Variants in DIPK1A observed in about 807,000 individuals in gnomAD.
DIPK1A encodes divergent protein kinase domain 1A, also known as family with sequence similarity 69 member A.
DIPK1A carries 27 observed loss-of-function variants against 40.8 expected under a neutral mutation model. The ratio of observed to expected loss-of-function variants is 0.66; its 90% CI spans 0.49 to 0.91. The LOEUF is 0.91. Ranked by LOEUF, DIPK1A falls within the 40% of genes least tolerant of loss-of-function variation. DIPK1A has a pLI of 0.00. For missense variants in DIPK1A, 412 were observed against 505.7 expected, an observed-to-expected ratio of 0.81 and a Z score of 1.78; for synonymous variants, 166 against 171.3, an observed-to-expected ratio of 0.97 and a Z score of 0.24.
chr1:92,900,951 A>G (rs1197502649), intron 1 of DIPK1A, among the ~76,000 whole-genome samples: 1 of 151,956 alleles, frequency 6.6e-6, no homozygotes, highest in Non-Finnish European at 1.5e-5. Flanking sequence ...AAAACTTTCT[A>G]AAGTGGTTTT....
intron 1 of DIPK1A, among the ~76,000 whole-genome samples, chr1:92,888,822 T>C (rs896148819): frequency 5.3e-5 from 8 of 152,362 alleles, no homozygotes; most frequent in African/African-American, 1.7e-4. Flanking sequence ...TTTTGAAAGA[T>C]GTGTCCATTC....
intron 3 of DIPK1A, among the ~76,000 whole-genome samples, chr1:92,848,858 C>A (rs920035801): frequency 4.6e-5 from 7 of 152,174 alleles, no homozygotes; most frequent in African/African-American, 1.7e-4. Context: ...GTTTAAATTT[C>A]TATAATAATA....
At chr1:92,916,024 T>C (rs780105355) in intron 1 of DIPK1A, among the ~76,000 whole-genome samples, 5 of 152,266 alleles carry the variant, frequency 3.3e-5, no homozygotes, top group East Asian at 3.9e-4. Flanking sequence ...AAAAGCCACA[T>C]ACTGTATGAT....
intron 1 of DIPK1A, among the ~76,000 whole-genome samples, chr1:92,957,323 A>C (rs1253201498): frequency 6.6e-6 from 1 of 152,274 alleles, no homozygotes; most frequent in Non-Finnish European, 1.5e-5. Flanking sequence ...AAATGGTTTA[A>C]GCAGTTAATA....
chr1:92,931,335 T>C (rs551737524), intron 1 of DIPK1A: 5 of 228,694 alleles, frequency 2.2e-5, no homozygotes, highest in Admixed American at 4.1e-5. Flanking sequence ...GAAGGCCTGG[T>C]GCCCACACCG....
In DIPK1A at chr1:92,851,310, G is replaced by A. The variant is rs1182454151; in HGVS notation, c.190-355C>T. On this transcript the variant is annotated intron_variant, in intron 2 of 4. Coordinates refer to ENST00000370310, the MANE Select transcript of DIPK1A (RefSeq NM_001006605.5). ...TGTAATCCCAGCACTTTGGGAGGCCGAGGCTGGTGGATCATTTGAGGTCAG... is the reference window on the plus strand; with the variant it reads ...TGTAATCCCAGCACTTTGGGAGGCCAAGGCTGGTGGATCATTTGAGGTCAG... Among the ~76,000 whole-genome samples, 7 of 152,028 alleles carry A rather than the reference G, an allele frequency of 4.6e-5. No individual in the cohort carries two copies. In the South Asian group the frequency reaches 8.3e-4, roughly 18 times the overall value.
intron 2 of DIPK1A, among the ~76,000 whole-genome samples, chr1:92,863,507 G>A (rs1235725290): frequency 2.5e-5 from 3 of 121,776 alleles, no homozygotes; most frequent in African/African-American, 9.4e-5. Flanking sequence ...TGAGGTGGGG[G>A]AAATCAATTG....
intron 1 of DIPK1A, among the ~76,000 whole-genome samples, chr1:92,934,313 T>C (rs547808372): frequency 1.3e-4 from 20 of 152,322 alleles, no homozygotes; most frequent in South Asian, 2.1e-4. Flanking sequence ...TCTTTATAAA[T>C]GAATTTAAAA....
At chr1:92,904,926 T>C (rs1649553898) in intron 1 of DIPK1A, among the ~76,000 whole-genome samples, 1 of 152,192 alleles carries the variant, frequency 6.6e-6, no homozygotes, top group Admixed American at 6.5e-5. Context: ...ATGCCTGGTT[T>C]ATTTCACTTA....
chr1:92,956,206 T>C (rs1341217015), intron 1 of DIPK1A, among the ~76,000 whole-genome samples: 2 of 151,974 alleles, frequency 1.3e-5, no homozygotes, highest in Non-Finnish European at 2.9e-5. Flanking sequence ...AAAAAAAAAA[T>C]CTGAGGCACT....
chr1:92,944,961 A>C (rs1651305432), intron 1 of DIPK1A, among the ~76,000 whole-genome samples: 1 of 152,098 alleles, frequency 6.6e-6, no homozygotes, highest in African/African-American at 2.4e-5. Flanking sequence ...ACATGAAAGC[A>C]CTCGAAAAGT....
At chr1:92,853,727 G>A (rs1392236990) in intron 2 of DIPK1A, among the ~76,000 whole-genome samples, 4 of 152,142 alleles carry the variant, frequency 2.6e-5, no homozygotes, top group Non-Finnish European at 5.9e-5. Context: ...GAACACATAA[G>A]GTTCAGAAAA....
At chr1:92,865,645 T>C (rs1394702404) in intron 2 of DIPK1A, among the ~76,000 whole-genome samples, 1 of 152,180 alleles carries the variant, frequency 6.6e-6, no homozygotes, top group Admixed American at 6.5e-5. Context: ...ATGATGACAG[T>C]GGAAAGTTTC....
chr1:92,898,332 T>C (rs544970652), intron 1 of DIPK1A, among the ~76,000 whole-genome samples: 1 of 152,030 alleles, frequency 6.6e-6, no homozygotes, highest in African/African-American at 2.4e-5. Context: ...AGATCTCACA[T>C]GAACTCAGAG....
intron 1 of DIPK1A, among the ~76,000 whole-genome samples, chr1:92,944,447 C>T (rs1651287515): frequency 6.6e-6 from 1 of 152,110 alleles, no homozygotes; most frequent in Non-Finnish European, 1.5e-5. Flanking sequence ...AAACAGAGAT[C>T]CTGAACAGGA....
rs1553123779 is a variant in DIPK1A, at chr1:92,846,819, A to ACACACACG, written c.474+363_474+364insCGTGTGTG. On this transcript the variant is annotated intron_variant, in intron 4 of 4. Transcript: ENST00000370310. ...TATATATATATATATATATATATAT[A>ACACACACG]TATATATATATATATATATATATGT... Among the ~76,000 whole-genome samples the ACACACACG allele has an allele frequency of 5.1e-4, 2 of 3,960 alleles. 1 individual carries two copies. Among genetic ancestry groups the ACACACACG allele is most frequent in the East Asian group, 0.024 (2 of 84 alleles). 2.6% of individuals were successfully genotyped at this position (3,960 alleles called of 152,430 possible).
Position 92,846,794 on chromosome 1 carries a change from TATA to T in DIPK1A, c.474+386_474+388del, listed in dbSNP as rs1419279054. 6.0e-3 allele frequency among the ~76,000 whole-genome samples: 22 copies of T among 3,668 alleles called. 2 individuals carry two copies. The highest frequency in any genetic ancestry group is 6.4e-3 in the Non-Finnish European group (18 of 2,806). The allele number at this position is 3,668 out of a possible 152,430, so 2.4% of individuals were successfully genotyped here. A position where few individuals can be genotyped will look rare whatever the true frequency, so the allele number is the denominator to read the frequency against. ...CAGGCACATGCCACCACTCCTGGCA[TATA>T]TATATATATATATATATATATATAT... On this transcript the variant is annotated intron_variant, in intron 4 of 4. Coordinates refer to ENST00000370310, the MANE Select transcript of DIPK1A (RefSeq NM_001006605.5).
At chr1:92,932,570 C>A (rs1650795190) in intron 1 of DIPK1A, 1 of 151,776 alleles carries the variant, frequency 6.6e-6, no homozygotes, top group Non-Finnish European at 1.5e-5. Context: ...AACCATCAAG[C>A]CATGAAAAGA....
chr1:92,879,824 G>A (rs977162512), intron 1 of DIPK1A, among the ~76,000 whole-genome samples: 1 of 152,308 alleles, frequency 6.6e-6, no homozygotes, highest in Non-Finnish European at 1.5e-5. Context: ...AGATAATGTA[G>A]TCTTTGATTA....
Sources: gnomAD v4.1 joint callset for allele counts (sites outside exome capture counted in the v4.1 genomes callset) on GRCh38, gnomAD v4.1.1 for gene constraint, MANE v1.5 for transcripts, NCBI Gene and HGNC (gene_info 2026-07-23, HGNC 2026-07-21) for gene names.